The following DCUN1D4 variants were observed in gnomAD, a reference collection of about 807,000 sequenced individuals.
DCUN1D4 encodes the protein defective in cullin neddylation 1 domain containing 4.
A neutral mutation model predicts 47.9 loss-of-function variants in DCUN1D4; 22 were observed. The ratio of observed to expected loss-of-function variants is 0.46; its 90% confidence interval spans 0.33 to 0.66. DCUN1D4 has a LOEUF of 0.66. Among genes scored for constraint, DCUN1D4 ranks in the 30% least tolerant of loss-of-function variants. DCUN1D4 has a pLI of 0.02. For synonymous variants in DCUN1D4, 121 were observed against 112.2 expected (o/e 1.08, Z -0.50); for missense variants, 301 against 340.8 (o/e 0.88, Z 0.92).
chr4:51,910,023 A>G (rs1403926548), intron 8 of DCUN1D4, among the ~76,000 whole-genome samples: 3 of 152,208 alleles, frequency 2.0e-5, no homozygotes, highest in Non-Finnish European at 2.9e-5. Context: ...ATATGGCTGC[A>G]TATGTGGCTT....
chr4:51,863,492 C>T lies in DCUN1D4; in HGVS notation c.81C>T (p.His27=), dbSNP rs761121509. ...TGGCAAATATTCATAAGATCTACCA[C>T]ACCCTTAATAAGCTGGTAAGTCATT... ...STLANIHKIY[H]TLNKLNLTED... The change falls in exon 2 of 11, where the codon CAC becomes CAT. Residue 27 remains histidine (H), a synonymous_variant. Transcript: ENST00000334635. 2 of 1,612,394 alleles carry T rather than the reference C, an allele frequency of 1.2e-6. No homozygotes were observed. The highest frequency in any genetic ancestry group is 1.7e-6 in the Non-Finnish European group (2 of 1,178,948).
At chr4:51,890,307 G>A (rs1026085835) in intron 6 of DCUN1D4, among the ~76,000 whole-genome samples, 9 of 152,090 alleles carry the variant, frequency 5.9e-5, no homozygotes, top group African/African-American at 1.7e-4. Context: ...CACCATAGCC[G>A]CCATCTGACC....
intron 8 of DCUN1D4, among the ~76,000 whole-genome samples, chr4:51,899,897 T>A (rs1731841244): frequency 6.6e-6 from 1 of 152,234 alleles, no homozygotes; most frequent in African/African-American, 2.4e-5. Context: ...ATTTGTCACA[T>A]AGTGAGTCAA....
At chr4:51,854,138 T>C (rs1340178885) in intron 1 of DCUN1D4, among the ~76,000 whole-genome samples, 1 of 152,238 alleles carries the variant, frequency 6.6e-6, no homozygotes, top group Non-Finnish European at 1.5e-5. Context: ...TTTAGTAATT[T>C]AGCCTCAAAT....
intron 3 of DCUN1D4, among the ~76,000 whole-genome samples, chr4:51,869,082 C>G (rs2109944654): frequency 7.0e-6 from 1 of 142,014 alleles, no homozygotes; most frequent in East Asian, 2.1e-4. Flanking sequence ...TGAGCTCATG[C>G]CACTGCACTG....
At position 51,863,423 on chromosome 4, in the gene DCUN1D4, T is replaced by G; in HGVS notation, c.26-14T>G. 1 of 1,599,190 alleles carries G rather than the reference T, an allele frequency of 6.3e-7. No homozygotes were observed. The highest frequency in any genetic ancestry group is 8.5e-7 in the Non-Finnish European group (1 of 1,170,288). Reference sequence around the variant, plus strand: ...AAATAAATGACGCTGACATTTTTCCTTTTTCTTTTCAAGATTTTCAGCTGA... The same window carrying G: ...AAATAAATGACGCTGACATTTTTCCGTTTTCTTTTCAAGATTTTCAGCTGA... On this transcript the variant is annotated splice_polypyrimidine_tract_variant and intron_variant, in intron 1 of 10. Coordinates refer to ENST00000334635, the MANE Select transcript of DCUN1D4 (RefSeq NM_001040402.3).
At chr4:51,866,175 A>T (rs998671580) in intron 3 of DCUN1D4, among the ~76,000 whole-genome samples, 1 of 152,202 alleles carries the variant, frequency 6.6e-6, no homozygotes, top group African/African-American at 2.4e-5. Flanking sequence ...GCAAATATAG[A>T]TCAACTCAAG....
chr4:51,837,685 A>T, the DCUN1D4 span, among the ~76,000 whole-genome samples: 1 of 115,126 alleles, frequency 8.7e-6, no homozygotes, highest in African/African-American at 3.3e-5. Flanking sequence ...AAAAAAAAAA[A>T]GAAATCTTAG....
chr4:51,856,625 TAGA>T lies in DCUN1D4; in HGVS notation c.26-6808_26-6806del, dbSNP rs1316506825. ...GAAGAAGTAGCCTTGGATTGGGAGTTAGAAGATAAGAGTTTTGCCCAGCTTGGC... is the reference window on the plus strand; with the variant it reads ...GAAGAAGTAGCCTTGGATTGGGAGTTAGATAAGAGTTTTGCCCAGCTTGGC... On this transcript the variant is annotated intron_variant, in intron 1 of 10. Coordinates refer to ENST00000334635, the MANE Select transcript of DCUN1D4 (RefSeq NM_001040402.3). Among the ~76,000 whole-genome samples the T allele has an allele frequency of 2.0e-5, 3 of 152,204 alleles. No individual in the cohort carries two copies. In the East Asian group the frequency reaches 5.8e-4, roughly 29 times the overall value.
At chr4:51,834,091 C>CTTTTTTTTTTTTTTTTTTTTTTT in the DCUN1D4 span, among the ~76,000 whole-genome samples, 1 of 49,528 alleles carries the variant, frequency 2.0e-5, no homozygotes, top group African/African-American at 1.5e-4. Flanking sequence ...TCTCTCTTTT[C>CTTTTTTTTTTTTTTTTTTTTTTT]TTTTCTTCTT....
At chr4:51,860,414 C>T in intron 1 of DCUN1D4, 1 of 320,790 alleles carries the variant, frequency 3.1e-6, no homozygotes, top group Non-Finnish European at 6.3e-6. Context: ...TGATTATCTG[C>T]AGTCAACATT....
intron 1 of DCUN1D4, among the ~76,000 whole-genome samples, chr4:51,862,635 C>T (rs982977289): frequency 6.6e-6 from 1 of 152,084 alleles, no homozygotes; most frequent in Non-Finnish European, 1.5e-5. Context: ...GAAAATACTT[C>T]CAGTGGTACT....
At chr4:51,893,108 G>C (rs1377913887) in intron 7 of DCUN1D4, among the ~76,000 whole-genome samples, 1 of 152,218 alleles carries the variant, frequency 6.6e-6, no homozygotes, top group Non-Finnish European at 1.5e-5. Flanking sequence ...AGGAGACTGA[G>C]GCATAGAGGG....
chr4:51,838,441 G>T (rs1721551184), upstream of DCUN1D4, among the ~76,000 whole-genome samples: 1 of 152,088 alleles, frequency 6.6e-6, no homozygotes, highest in African/African-American at 2.4e-5. Flanking sequence ...GAGTGCAGTG[G>T]CGTGATCTCA....
intron 1 of DCUN1D4, among the ~76,000 whole-genome samples, chr4:51,853,090 G>A (rs1723605729): frequency 6.6e-6 from 1 of 152,192 alleles, no homozygotes; most frequent in East Asian, 1.9e-4. Flanking sequence ...AGTGCAGCCA[G>A]ACGGGTGTCC....
At chr4:51,882,062 C>G (rs1256291955) in intron 5 of DCUN1D4, among the ~76,000 whole-genome samples, 1 of 152,014 alleles carries the variant, frequency 6.6e-6, no homozygotes, top group Non-Finnish European at 1.5e-5. Flanking sequence ...GATTGGCAAA[C>G]TATATTTTAA....
chr4:51,901,759 C>G (rs993235426), intron 8 of DCUN1D4, among the ~76,000 whole-genome samples: 1 of 152,134 alleles, frequency 6.6e-6, no homozygotes, highest in Admixed American at 6.5e-5. Context: ...TTGAGGGACT[C>G]TGTAATTTCT....
intron 7 of DCUN1D4, among the ~76,000 whole-genome samples, chr4:51,895,327 G>A (rs1236430781): frequency 6.6e-6 from 1 of 151,974 alleles, no homozygotes; most frequent in Admixed American, 6.6e-5. Flanking sequence ...CCTTAAACTA[G>A]GGTGGTGAAG....
At chr4:51,839,334 G>C (rs1721575072), upstream of DCUN1D4, among the ~76,000 whole-genome samples, 1 of 152,190 alleles carries the variant, frequency 6.6e-6, no homozygotes, top group East Asian at 1.9e-4. Flanking sequence ...TTACTTATTA[G>C]CTGGGTGGCA....
Sources: allele counts gnomAD v4.1 joint callset (sites outside exome capture counted in the v4.1 genomes callset), GRCh38; gene constraint gnomAD v4.1.1; transcripts MANE v1.5; gene names NCBI Gene and HGNC (gene_info 2026-07-23, HGNC 2026-07-21).